Variants in THSD4 observed in about 807,000 individuals in gnomAD.
THSD4 encodes thrombospondin type-1 domain-containing protein 4.
A neutral mutation model predicts 119.0 loss-of-function variants in THSD4; 69 were observed. The ratio of observed to expected loss-of-function variants is 0.58; its 90% CI spans 0.48 to 0.71. The LOEUF is 0.71. THSD4 is among the 30% of genes least tolerant of loss of function. The pLI is 0.00. For missense variants in THSD4, 1,393 were observed against 1,391.1 expected (o/e 1.00, Z -0.02); for synonymous variants, 524 against 540.4 (o/e 0.97, Z 0.42).
intron 8 of THSD4, among the ~76,000 whole-genome samples, chr15:71,718,358 C>G (rs1394223703): frequency 6.6e-6 from 1 of 152,102 alleles, no homozygotes; most frequent in Non-Finnish European, 1.5e-5. Flanking sequence ...CTTCCCTGCT[C>G]GTAGCAAGTG....
At chr15:71,258,120 T>C (rs1479310783) in intron 6 of THSD4, among the ~76,000 whole-genome samples, 1 of 152,132 alleles carries the variant, frequency 6.6e-6, no homozygotes, top group Non-Finnish European at 1.5e-5. Flanking sequence ...AATTGTATAG[T>C]TTAGTTAATA....
intron 8 of THSD4, among the ~76,000 whole-genome samples, chr15:71,700,595 A>C (rs991273285): frequency 5.3e-5 from 8 of 152,148 alleles, no homozygotes; most frequent in African/African-American, 1.9e-4. Context: ...TAGAAGAGCA[A>C]ATGTTCAAGA....
chr15:71,532,000 GT>G (rs1465582061), intron 7 of THSD4, among the ~76,000 whole-genome samples: 1 of 152,098 alleles, frequency 6.6e-6, no homozygotes, highest in Non-Finnish European at 1.5e-5. Context: ...AGTTTTTCCA[GT>G]TTTTTCCCGT....
At chr15:71,539,103 C>T in intron 7 of THSD4, among the ~76,000 whole-genome samples, 1 of 152,212 alleles carries the variant, frequency 6.6e-6, no homozygotes, top group East Asian at 1.9e-4. Flanking sequence ...GTTGTAGATT[C>T]TCATGATTGT....
rs369990927 is a variant in THSD4, at chr15:71,758,039, G to T, written c.2553G>T (p.Thr851=). 2.1e-5 allele frequency: 33 copies of T among 1,604,318 alleles called. No individual in the cohort carries two copies. In the African/African-American group the frequency reaches 4.1e-4, roughly 20 times the overall value. The change falls in exon 15 of 18, where the codon ACG becomes ACT. Residue 851 remains threonine, a synonymous_variant. Coordinates refer to ENST00000261862, the MANE Select transcript of THSD4 (RefSeq NM_024817.3). ...CCCCATGTGACAACGGACCCTGCAC[G>T]GGCAAGGTGGAGTGGTTTGCCGGGA... ...EATPCDNGPC[T]GKVEWFAGSW... is the part of the protein sequence containing the mutation.
At chr15:71,566,136 TTTTTTCTTTTTCTTTTTTTC>T in intron 7 of THSD4, among the ~76,000 whole-genome samples, 1 of 130,424 alleles carries the variant, frequency 7.7e-6, no homozygotes, top group Non-Finnish European at 1.6e-5. Flanking sequence ...TCTTTCTTTC[TTTTTTCTTTTTCTTTTTTTC>T]TTTTTTTTTT....
At chr15:71,299,448 C>A (rs778814198) in intron 6 of THSD4, among the ~76,000 whole-genome samples, 1 of 152,144 alleles carries the variant, frequency 6.6e-6, no homozygotes, top group Non-Finnish European at 1.5e-5. Flanking sequence ...GGACTTTATG[C>A]TAAGTGAAAT....
At chr15:71,182,820 T>G (rs886305407) in intron 3 of THSD4, among the ~76,000 whole-genome samples, 3 of 151,816 alleles carry the variant, frequency 2.0e-5, no homozygotes, top group African/African-American at 7.2e-5. Context: ...ATGTCAGCTG[T>G]CTTCCTTCCC....
chr15:71,484,079 G>A (rs2047777168), intron 7 of THSD4, among the ~76,000 whole-genome samples: 1 of 152,120 alleles, frequency 6.6e-6, no homozygotes, highest in African/African-American at 2.4e-5. Context: ...ATTTCACATT[G>A]GACCCATTAA....
At chr15:71,555,417 T>C (rs7179715) in intron 7 of THSD4, among the ~76,000 whole-genome samples, 48,775 of 152,156 alleles carry the variant, frequency 0.32, 8,251 homozygotes, top group Non-Finnish European at 0.39. Context: ...TATTGTATAA[T>C]GTTTATGTGT....
intron 7 of THSD4, among the ~76,000 whole-genome samples, chr15:71,455,870 A>G (rs1176727463): frequency 6.6e-6 from 1 of 152,124 alleles, no homozygotes; most frequent in African/African-American, 2.4e-5. Flanking sequence ...TTTCCCATCA[A>G]TTCTGATAGG....
At chr15:71,312,333 A>C (rs907800050) in intron 6 of THSD4, among the ~76,000 whole-genome samples, 11 of 151,266 alleles carry the variant, frequency 7.3e-5, no homozygotes, top group African/African-American at 2.4e-4. Flanking sequence ...GTCTCGAGGC[A>C]GGGGGTGGAG....
chr15:71,735,780 C>G (rs1284184993), intron 10 of THSD4, among the ~76,000 whole-genome samples: 2 of 151,184 alleles, frequency 1.3e-5, no homozygotes, highest in East Asian at 2.0e-4. Flanking sequence ...TTCTCTGTCT[C>G]TGTCTCTCCT....
chr15:71,546,000 T>C (rs1463710713), intron 7 of THSD4, among the ~76,000 whole-genome samples: 2 of 152,196 alleles, frequency 1.3e-5, no homozygotes, highest in African/African-American at 4.8e-5. Flanking sequence ...TGGCTGCTGA[T>C]ACTTATTTCA....
At chr15:71,253,175 G>A (rs1216888641) in intron 5 of THSD4, among the ~76,000 whole-genome samples, 1 of 152,222 alleles carries the variant, frequency 6.6e-6, no homozygotes, top group Non-Finnish European at 1.5e-5. Context: ...GCCATGTTAA[G>A]CTTTTCTGCC....
chr15:71,756,690 A>T (rs1046488049), intron 14 of THSD4, among the ~76,000 whole-genome samples: 1 of 152,186 alleles, frequency 6.6e-6, no homozygotes, highest in South Asian at 2.1e-4. Flanking sequence ...AGGTGGGAGG[A>T]TCACTTGACC....
intron 7 of THSD4, among the ~76,000 whole-genome samples, chr15:71,434,661 C>A (rs1380892215): frequency 1.3e-5 from 2 of 151,784 alleles, no homozygotes; most frequent in Non-Finnish European, 2.9e-5. Context: ...GGGAATCTAG[C>A]TGACTAAAAA....
chr15:71,532,283 A>AGAGAGAGAGAGAGAGTGTGTGTGTGTGT (rs1379506089), intron 7 of THSD4, among the ~76,000 whole-genome samples: 2 of 101,646 alleles, frequency 2.0e-5, no homozygotes, highest in South Asian at 4.1e-4. Flanking sequence ...AGAGAGAGAG[A>AGAGAGAGAGAGAGAGTGTGTGTGTGTGT]GTGTGTGTGT....
intron 3 of THSD4, among the ~76,000 whole-genome samples, chr15:71,173,820 C>T (rs2043409833): frequency 1.3e-5 from 2 of 151,800 alleles, no homozygotes; most frequent in Admixed American, 1.3e-4. Context: ...GCCATGGAGA[C>T]CAATGGAATA....
Sources: allele counts gnomAD v4.1 joint callset (sites outside exome capture counted in the v4.1 genomes callset), GRCh38; gene constraint gnomAD v4.1.1; transcripts MANE v1.5; gene names NCBI Gene and HGNC (gene_info 2026-07-23, HGNC 2026-07-21).